Variants in CACNA2D1 observed in about 807,000 individuals in gnomAD.
CACNA2D1 encodes the protein voltage-dependent calcium channel subunit alpha-2/delta-1.
A neutral mutation model predicts 171.5 loss-of-function variants in CACNA2D1; 53 were observed. The ratio of observed to expected loss-of-function variants is 0.31; its 90% CI spans 0.25 to 0.39. The LOEUF (loss-of-function observed/expected upper bound fraction) is 0.39. Among genes scored for constraint, CACNA2D1 ranks in the 10% least tolerant of loss-of-function variants. The probability of loss-of-function intolerance (pLI) is 1.00; values close to 1 mark genes in which losing one functional copy is unlikely to be tolerated. For synonymous variants in CACNA2D1, 442 were observed against 443.1 expected (o/e 1.00, Z 0.03); for missense variants, 903 against 1,299.8 (o/e 0.69, Z 4.69).
chr7:82,381,863 C>T (rs1441288102), intron 1 of CACNA2D1, among the ~76,000 whole-genome samples: 2 of 152,054 alleles, frequency 1.3e-5, no homozygotes, highest in East Asian at 1.9e-4. Flanking sequence ...CAAACAACCC[C>T]GGCCTCTTAT....
intron 1 of CACNA2D1, among the ~76,000 whole-genome samples, chr7:82,432,579 G>A (rs934395630): frequency 6.6e-5 from 10 of 152,288 alleles, no homozygotes; most frequent in African/African-American, 1.9e-4. Flanking sequence ...GGGCTCAAGC[G>A]ATCTTCCTGC....
chr7:82,185,516 AGGG>A (rs1797622207), intron 3 of CACNA2D1, among the ~76,000 whole-genome samples: 3 of 15,744 alleles, frequency 1.9e-4, no homozygotes, highest in African/African-American at 2.4e-4. Flanking sequence ...GAGGGGGAGG[AGGG>A]GGAGGAGGAG....
chr7:82,087,173 G>A (rs1019584543), intron 6 of CACNA2D1, among the ~76,000 whole-genome samples: 1 of 152,110 alleles, frequency 6.6e-6, no homozygotes. Flanking sequence ...TACCCAATGT[G>A]TAGTAAGATG....
intron 9 of CACNA2D1, 86 bp downstream of exon 9, chr7:82,064,218 A>G (rs539273220): frequency 1.1e-6 from 1 of 891,216 alleles, no homozygotes; most frequent in African/African-American, 1.7e-5. Context: ...TAACCTATCA[A>G]ACCTTTCTTA....
chr7:82,291,126 T>G (rs1811482437), intron 3 of CACNA2D1, among the ~76,000 whole-genome samples: 2 of 122,464 alleles, frequency 1.6e-5, no homozygotes, highest in South Asian at 5.9e-4. Context: ...TATCTGGGAC[T>G]ACAAGTGCAG....
At chr7:82,148,724 G>C (rs777124581) in intron 4 of CACNA2D1, among the ~76,000 whole-genome samples, 1 of 152,018 alleles carries the variant, frequency 6.6e-6, no homozygotes, top group Non-Finnish European at 1.5e-5. Flanking sequence ...TGCAACCTCC[G>C]CCTCCCAGGT....
intron 25 of CACNA2D1, 98 bp downstream of exon 25, chr7:81,974,357 C>T: frequency 8.1e-6 from 5 of 618,864 alleles, no homozygotes; most frequent in South Asian, 2.1e-5. Context: ...AATAAACAAC[C>T]AGCACAATAT....
chr7:82,265,491 T>C (rs2129339998), intron 3 of CACNA2D1, among the ~76,000 whole-genome samples: 1 of 150,474 alleles, frequency 6.6e-6, no homozygotes, highest in African/African-American at 2.4e-5. Flanking sequence ...CACATTTGGA[T>C]TTCATTCAAG....
chr7:82,256,778 A>G (rs999007606), intron 3 of CACNA2D1, among the ~76,000 whole-genome samples: 1 of 152,218 alleles, frequency 6.6e-6, no homozygotes, highest in Non-Finnish European at 1.5e-5. Flanking sequence ...AAAGGAAAGC[A>G]TGAATAACTA....
chr7:82,333,040 G>A (rs1291357292), intron 3 of CACNA2D1, among the ~76,000 whole-genome samples: 1 of 152,024 alleles, frequency 6.6e-6, no homozygotes, highest in Non-Finnish European at 1.5e-5. Flanking sequence ...TGAAGCTCCA[G>A]CATTATATCT....
chr7:82,290,348 A>G (rs1271636531), intron 3 of CACNA2D1, among the ~76,000 whole-genome samples: 1 of 152,146 alleles, frequency 6.6e-6, no homozygotes, highest in Admixed American at 6.5e-5. Flanking sequence ...TTCGACAAGG[A>G]AACAGGTACA....
intron 1 of CACNA2D1, among the ~76,000 whole-genome samples, chr7:82,410,088 T>A (rs1827489217): frequency 6.6e-6 from 1 of 152,208 alleles, no homozygotes; most frequent in African/African-American, 2.4e-5. Flanking sequence ...AAAATGTCAT[T>A]ATTTGGTGCA....
chr7:82,221,774 C>CA (rs34604173), intron 3 of CACNA2D1, among the ~76,000 whole-genome samples: 4,954 of 125,306 alleles, frequency 0.04, 258 homozygotes, highest in African/African-American at 0.12. Flanking sequence ...TCACTGTTAC[C>CA]AAAAAAAAAA....
chr7:82,410,570 G>A (rs530764475), intron 1 of CACNA2D1: 2 of 972,102 alleles, frequency 2.1e-6, no homozygotes, highest in Middle Eastern at 5.3e-4. Context: ...TGGCTGGCTT[G>A]CGACACTTAG....
intron 3 of CACNA2D1, among the ~76,000 whole-genome samples, chr7:82,252,133 T>C (rs1338946575): frequency 6.6e-6 from 1 of 152,222 alleles, no homozygotes; most frequent in Non-Finnish European, 1.5e-5. Context: ...AATGCGAGTA[T>C]GCTTTGCAAG....
intron 6 of CACNA2D1, among the ~76,000 whole-genome samples, chr7:82,100,083 T>C (rs970953197): frequency 9.2e-5 from 14 of 152,016 alleles, no homozygotes; most frequent in Non-Finnish European, 1.9e-4. Context: ...AAAAATAGAT[T>C]TCAAAGGAAA....
At chr7:82,011,268 A>G (rs1217793036) in intron 15 of CACNA2D1, among the ~76,000 whole-genome samples, 1 of 152,132 alleles carries the variant, frequency 6.6e-6, no homozygotes, top group Non-Finnish European at 1.5e-5. Context: ...TACTAACAAT[A>G]GTTGAGATTT....
intron 35 of CACNA2D1, 29 bp downstream of exon 35, chr7:81,962,411 G>A (rs1294174895): frequency 6.5e-7 from 1 of 1,543,020 alleles, no homozygotes; most frequent in East Asian, 2.3e-5. Flanking sequence ...TATTGTTATG[G>A]CAATGACAAG....
chr7:82,213,870 T>G (rs1231330778), intron 3 of CACNA2D1, among the ~76,000 whole-genome samples: 1 of 152,158 alleles, frequency 6.6e-6, no homozygotes, highest in Non-Finnish European at 1.5e-5. Flanking sequence ...CTCAGGCTAC[T>G]ATAACAAAAT....
Sources: gnomAD v4.1 joint callset for allele counts (sites outside exome capture counted in the v4.1 genomes callset) on GRCh38, gnomAD v4.1.1 for gene constraint, MANE v1.5 for transcripts, NCBI Gene and HGNC (gene_info 2026-07-23, HGNC 2026-07-21) for gene names.